The following PHF20 variants were observed in gnomAD, a reference collection of about 807,000 sequenced individuals.
PHF20 encodes the protein glioma-expressed antigen 2.
A neutral mutation model predicts 113.5 loss-of-function variants in PHF20; 23 were observed. That is an observed-to-expected ratio of 0.20 (90% confidence interval 0.15 to 0.29). The LOEUF is 0.29. Among genes scored for constraint, PHF20 ranks in the 10% least tolerant of loss-of-function variants. PHF20 has a pLI of 1.00. For missense variants in PHF20, 943 were observed against 1,219.6 expected (o/e 0.77, Z 3.38); for synonymous variants, 434 against 457.3 (o/e 0.95, Z 0.65).
intron 4 of PHF20, chr20:35,850,975 G>T: frequency 2.3e-6 from 1 of 440,860 alleles, no homozygotes; most frequent in African/African-American, 2.0e-5. Flanking sequence ...TGCATTTGTA[G>T]GAGAGACAGA....
At chr20:35,841,090 G>A (rs1175518722) in intron 2 of PHF20, among the ~76,000 whole-genome samples, 1 of 152,062 alleles carries the variant, frequency 6.6e-6, no homozygotes, top group Non-Finnish European at 1.5e-5. Context: ...AGCATTTGGG[G>A]AGGCTGAGCC....
Position 35,949,355 on chromosome 20 carries a change from G to A in PHF20, c.*1728G>A, listed in dbSNP as rs1455496256. The A allele has an allele frequency of 6.6e-6, 1 of 152,640 alleles. No individual in the cohort carries two copies. Among genetic ancestry groups the A allele is most frequent in the Non-Finnish European group, 1.5e-5 (1 of 68,058 alleles). The allele number at this position is 152,640 out of a possible 1,614,324, so 9.5% of individuals were successfully genotyped here. A position where few individuals can be genotyped will look rare whatever the true frequency, so the allele number is the denominator to read the frequency against. On this transcript the variant is annotated 3_prime_UTR_variant, in exon 18 of 18. Transcript: ENST00000374012. ...GATGGCTTTCTGTAGCCACACCTGT[G>A]AGGCGTGATGATTGTTGTATTATTA...
chr20:35,797,791 A>G (rs967648435), intron 1 of PHF20, among the ~76,000 whole-genome samples: 1 of 151,162 alleles, frequency 6.6e-6, no homozygotes, highest in Admixed American at 6.6e-5. Flanking sequence ...AGCTGGGATT[A>G]CAGGTTCCCA....
intron 2 of PHF20, among the ~76,000 whole-genome samples, chr20:35,825,338 TAAG>T (rs1179118471): frequency 4.6e-5 from 7 of 152,036 alleles, no homozygotes; most frequent in Non-Finnish European, 7.4e-5. Context: ...TTACATTCAA[TAAG>T]AAGTAAAATT....
intron 17 of PHF20, among the ~76,000 whole-genome samples, chr20:35,943,102 C>T (rs192620806): frequency 7.9e-5 from 12 of 152,260 alleles, no homozygotes; most frequent in African/African-American, 1.7e-4. Context: ...GGATTATAGA[C>T]GTGAGCCACC....
At chr20:35,925,160 T>C (rs1263831282) in intron 13 of PHF20, among the ~76,000 whole-genome samples, 1 of 152,126 alleles carries the variant, frequency 6.6e-6, no homozygotes, top group Non-Finnish European at 1.5e-5. Context: ...CTGGTATGGC[T>C]AGTGTCTCCA....
chr20:35,801,440 C>T (rs2041779228), intron 1 of PHF20, 51 bp from the exon 2 acceptor site: 12 of 912,544 alleles, frequency 1.3e-5, no homozygotes, highest in Non-Finnish European at 1.4e-5. Context: ...TGATGCTACA[C>T]TCTGGGTGGA....
intron 1 of PHF20, among the ~76,000 whole-genome samples, chr20:35,798,107 T>C (rs1414329669): frequency 2.0e-5 from 3 of 152,228 alleles, no homozygotes; most frequent in African/African-American, 7.2e-5. Context: ...ATTTTTTTCT[T>C]CCTGTCTTTA....
At chr20:35,819,648 CTG>C (rs57252834) in intron 2 of PHF20, among the ~76,000 whole-genome samples, 2,368 of 147,174 alleles carry the variant, frequency 0.016, 19 homozygotes, top group East Asian at 0.044. Flanking sequence ...CTTACACCAT[CTG>C]TGTGTGTGTG....
chr20:35,934,142 C>G (rs984657498), intron 15 of PHF20, among the ~76,000 whole-genome samples: 7 of 152,134 alleles, frequency 4.6e-5, no homozygotes, highest in Non-Finnish European at 8.8e-5. Context: ...GCTGATCAGG[C>G]CTAGAGGAGG....
intron 14 of PHF20, among the ~76,000 whole-genome samples, chr20:35,930,696 C>G (rs2055736478): frequency 1.3e-5 from 2 of 152,090 alleles, no homozygotes; most frequent in South Asian, 4.2e-4. Context: ...AAAATAAAAG[C>G]CTTTCTGAGG....
chr20:35,913,603 A>G (rs1391981336), intron 11 of PHF20, among the ~76,000 whole-genome samples: 1 of 152,210 alleles, frequency 6.6e-6, no homozygotes, highest in African/African-American at 2.4e-5. Flanking sequence ...GCAGGATGGT[A>G]CAGATGAAGG....
chr20:35,809,614 T>G (rs2041942814), intron 2 of PHF20, among the ~76,000 whole-genome samples: 2 of 149,852 alleles, frequency 1.3e-5, no homozygotes, highest in Non-Finnish European at 3.0e-5. Context: ...CTGGGCATGG[T>G]GACTCATGCC....
intron 1 of PHF20, among the ~76,000 whole-genome samples, chr20:35,780,416 A>G (rs759016948): frequency 1.1e-4 from 17 of 150,582 alleles, no homozygotes; most frequent in Non-Finnish European, 2.5e-4. Flanking sequence ...TAGTAGAGAC[A>G]GGGGTTTCGC....
intron 10 of PHF20, among the ~76,000 whole-genome samples, chr20:35,911,206 A>G (rs1428859286): frequency 1.3e-5 from 2 of 151,896 alleles, no homozygotes; most frequent in Non-Finnish European, 2.9e-5. Context: ...ACGCCCGGCT[A>G]ATTTTTTCTG....
intron 2 of PHF20, among the ~76,000 whole-genome samples, chr20:35,818,656 C>T (rs963484308): frequency 6.6e-6 from 1 of 152,154 alleles, no homozygotes; most frequent in African/African-American, 2.4e-5. Context: ...CCACCTCAGC[C>T]TCCTGAGTAG....
Position 35,942,883 on chromosome 20 carries a change from G to A in PHF20, c.2896+1836G>A, listed in dbSNP as rs141187136. Among the ~76,000 whole-genome samples the A allele has an allele frequency of 8.1e-3, 1,231 of 151,942 alleles. 7 individuals carry two copies. Among genetic ancestry groups the A allele is most frequent in the Middle Eastern group, 0.024 (7 of 294 alleles). On this transcript the variant is annotated intron_variant, in intron 17 of 17. Coordinates refer to ENST00000374012, the MANE Select transcript of PHF20 (RefSeq NM_016436.5). ...CTGTTGCCCGGGCTGGAGTGCAGTG[G>A]TGCCATCTCAGCTCACTGCAAGCTC...
At chr20:35,825,430 G>A (rs2146909183) in intron 2 of PHF20, among the ~76,000 whole-genome samples, 2 of 152,198 alleles carry the variant, frequency 1.3e-5, no homozygotes, top group Middle Eastern at 6.8e-3. Context: ...TTAGGAGTTT[G>A]CACTCCCTCC....
intron 3 of PHF20, among the ~76,000 whole-genome samples, chr20:35,846,528 A>G (rs2042627264): frequency 2.0e-5 from 3 of 152,170 alleles, no homozygotes; most frequent in African/African-American, 7.2e-5. Flanking sequence ...TTAAAGGTGA[A>G]TGGTTGCTTT....
Sources: allele counts gnomAD v4.1 joint callset (sites outside exome capture counted in the v4.1 genomes callset), GRCh38; gene constraint gnomAD v4.1.1; transcripts MANE v1.5; gene names NCBI Gene and HGNC (gene_info 2026-07-23, HGNC 2026-07-21).